The following MPZL2 variants were observed in gnomAD, a reference collection of about 807,000 sequenced individuals.
The protein encoded by MPZL2 is myelin protein zero-like protein 2.
A neutral mutation model predicts 24.5 loss-of-function variants in MPZL2; 32 were observed. The observed-to-expected ratio is 1.31, with a 90% CI of 0.99 to 1.76. The LOEUF is 1.76. Ranked by LOEUF, MPZL2 falls within the 40% of genes most tolerant of loss-of-function variation. The probability of loss-of-function intolerance (pLI) is 0.00; values close to 1 mark genes in which losing one functional copy is unlikely to be tolerated. For synonymous variants in MPZL2, 92 were observed against 97.9 expected, an observed-to-expected ratio of 0.94 and a Z score of 0.36; for missense variants, 304 against 274.9, an observed-to-expected ratio of 1.11 and a Z score of -0.75.
At chr11:118,260,717 CA>C (rs1274513842) in intron 3 of MPZL2, among the ~76,000 whole-genome samples, 1 of 152,004 alleles carries the variant, frequency 6.6e-6, no homozygotes, top group African/African-American at 2.4e-5. Flanking sequence ...AATGCTGAGC[CA>C]AAAAAGACAT....
chr11:118,255,071 A>G lies in MPZL2; in HGVS notation c.*175T>C, dbSNP rs1949652881. ...AATGAGGCTGTGTATGACTGGTGAT[A>G]TGGAGGAGCACTGTGCTGGCTCCAG... is the stretch of plus-strand genomic sequence containing the variant. On this transcript the variant is annotated 3_prime_UTR_variant, in exon 6 of 6. Coordinates refer to ENST00000278937, the MANE Select transcript of MPZL2 (RefSeq NM_005797.4). The G allele has an allele frequency of 6.6e-6, 1 of 152,202 alleles. No individual in the cohort carries two copies. Among genetic ancestry groups the G allele is most frequent in the Non-Finnish European group, 1.5e-5 (1 of 68,018 alleles). 9.4% of individuals were successfully genotyped at this position (152,202 alleles called of 1,614,324 possible).
At chr11:118,257,626 A>T (rs1046911347) in intron 4 of MPZL2, 1 of 196,420 alleles carries the variant, frequency 5.1e-6, no homozygotes, top group Non-Finnish European at 9.4e-6. Context: ...TTATTCAAAA[A>T]AAAAATAAAA....
chr11:118,263,058 C>T lies in MPZL2; in HGVS notation c.98G>A (p.Arg33Gln), dbSNP rs150203857. Residue 33 changes from arginine to glutamine, a missense_variant, in exon 2 of 6, where the codon CGG becomes CAG. Arg to Gln is a conservative substitution (Grantham distance 43). Transcript: ENST00000278937. ...PIAAVEIYTS[R>Q]VLEAVNGTDA... Reference sequence around the variant, plus strand: ...TGTCCCATTAACAGCCTCCAGCACCCGGGAGGTATAAATTTCCACAGCTGC... The same window carrying T: ...TGTCCCATTAACAGCCTCCAGCACCTGGGAGGTATAAATTTCCACAGCTGC... 79 of 1,614,032 alleles carry T rather than the reference C, an allele frequency of 4.9e-5. No individual in the cohort carries two copies. In the African/African-American group the frequency reaches 6.8e-4, roughly 14 times the overall value.
intron 2 of MPZL2, 50 bp from the exon 3 acceptor site, chr11:118,262,698 G>A (rs781383311): frequency 2.5e-5 from 40 of 1,575,088 alleles, no homozygotes; most frequent in Admixed American, 5.1e-5. Flanking sequence ...CCCAGGCAAG[G>A]AGGCCAAGAT....
intron 4 of MPZL2, among the ~76,000 whole-genome samples, chr11:118,259,011 TTA>T (rs1491539904): frequency 1.8e-3 from 222 of 124,110 alleles, no homozygotes; most frequent in African/African-American, 8.4e-3. Flanking sequence ...ACGGTTATGA[TTA>T]AAAAAAAAAA....
chr11:118,257,869 G>T (rs965457925), intron 4 of MPZL2, among the ~76,000 whole-genome samples: 4 of 148,552 alleles, frequency 2.7e-5, no homozygotes, highest in Non-Finnish European at 4.5e-5. Context: ...AATTAGCTGG[G>T]CATGGTGGTA....
In MPZL2 at chr11:118,264,188, G is replaced by A. The variant is rs761760630; in HGVS notation, c.-35C>T. ...CCAGCCTTGGCCCCAGAGACCGGACGGGGCAGACCGAGGGCTCCAACACCC... is the reference window on the plus strand; with the variant it reads ...CCAGCCTTGGCCCCAGAGACCGGACAGGGCAGACCGAGGGCTCCAACACCC... On this transcript the variant is annotated 5_prime_UTR_variant, in exon 1 of 6. Coordinates refer to ENST00000278937, the MANE Select transcript of MPZL2 (RefSeq NM_005797.4). The A allele has an allele frequency of 3.1e-6, 5 of 1,610,634 alleles. No individual in the cohort carries two copies. Among genetic ancestry groups the A allele is most frequent in the African/African-American group, 1.3e-5 (1 of 74,966 alleles).
Position 118,262,989 on chromosome 11 carries a change from C to A in MPZL2, c.167G>T (p.Gly56Val). The change falls in exon 2 of 6, where the codon GGT becomes GTT. Residue 56 changes from glycine (G) to valine (V), a missense_variant. Coordinates refer to ENST00000278937, the MANE Select transcript of MPZL2 (RefSeq NM_005797.4). The stretch of plus-strand genomic sequence containing the variant: ...ATTCCAGGTCACTGTTAGAGCATCA[C>A]CCACAGGGGCAAAGCTGGAGAAAGT... ...KCTFSSFAPV[G>V]DALTVTWNFR... 1 of 1,614,184 alleles carries A rather than the reference C, an allele frequency of 6.2e-7. No homozygotes were observed. Among genetic ancestry groups the A allele is most frequent in the Non-Finnish European group, 8.5e-7 (1 of 1,180,022 alleles).
At chr11:118,262,071 G>A (rs569557120) in intron 3 of MPZL2, among the ~76,000 whole-genome samples, 4 of 152,270 alleles carry the variant, frequency 2.6e-5, no homozygotes, top group Admixed American at 6.5e-5. Context: ...CACTTTTGAC[G>A]GTGCCTAGCA....
intron 4 of MPZL2, chr11:118,259,123 T>A (rs1949681658): frequency 6.6e-6 from 1 of 151,920 alleles, no homozygotes; most frequent in African/African-American, 2.4e-5. Flanking sequence ...GTCTGGCAAT[T>A]CCTCCAAAAA....
intron 5 of MPZL2, among the ~76,000 whole-genome samples, chr11:118,256,339 T>C (rs1237050789): frequency 6.6e-6 from 1 of 152,154 alleles, no homozygotes; most frequent in Non-Finnish European, 1.5e-5. Context: ...TTTCAGAGAA[T>C]GGGAGAAATT....
chr11:118,263,137 TGTA>T (rs772676556), intron 1 of MPZL2, 40 bp from the exon 2 acceptor site: 1 of 1,583,228 alleles, frequency 6.3e-7, no homozygotes, highest in Admixed American at 1.8e-5. Context: ...TAACAGGGGA[TGTA>T]GTATTGTGAG....
rs181660176 is a variant in MPZL2, at chr11:118,264,170, T to C, written c.-17A>G. Reference sequence around the variant, plus strand: ...GCCATACATGAGGGAAACCCAGCCTTGGCCCCAGAGACCGGACGGGGCAGA... The same window carrying C: ...GCCATACATGAGGGAAACCCAGCCTCGGCCCCAGAGACCGGACGGGGCAGA... On this transcript the variant is annotated 5_prime_UTR_variant, in exon 1 of 6. Coordinates refer to ENST00000278937, the MANE Select transcript of MPZL2 (RefSeq NM_005797.4). The C allele has an allele frequency of 3.6e-3, 5,885 of 1,613,946 alleles. 16 individuals are homozygous for C. The highest frequency in any genetic ancestry group is 4.6e-3 in the Non-Finnish European group (5,470 of 1,179,942).
At chr11:118,262,871 G>T in intron 2 of MPZL2, 60 bp downstream of exon 2, 1 of 1,558,630 alleles carries the variant, frequency 6.4e-7, no homozygotes. Context: ...AAGGAGAAAT[G>T]GACTGGCTTA....
intron 2 of MPZL2, 47 bp downstream of exon 2, chr11:118,262,884 A>T: frequency 6.3e-7 from 1 of 1,590,460 alleles, no homozygotes. Flanking sequence ...CTGGCTTATT[A>T]TTTCCCTAAA....
chr11:118,264,117 GA>G lies in MPZL2; in HGVS notation c.36del (p.Leu13SerfsTer12), dbSNP rs1474590939. ...TTACCTGTGAGCTGTATGCCAAGGA[GA>G]AGAAGCACCGCACGAGTAGAGCTCT... is the stretch of plus-strand genomic sequence containing the variant. ...YGKSSTRAVL[L>X]LLGIQLTALW... On this transcript the variant is annotated frameshift_variant, in exon 1 of 6. Coordinates refer to ENST00000278937, the MANE Select transcript of MPZL2 (RefSeq NM_005797.4). LOFTEE classifies it high-confidence loss of function. 1 of 1,613,988 alleles carries G rather than the reference GA, an allele frequency of 6.2e-7. No homozygotes were observed. The highest frequency in any genetic ancestry group is 8.5e-7 in the Non-Finnish European group (1 of 1,179,968).
At chr11:118,259,012 T>TAAAAAAAA (rs56186946) in intron 4 of MPZL2, among the ~76,000 whole-genome samples, 19 of 131,228 alleles carry the variant, frequency 1.4e-4, no homozygotes, top group South Asian at 6.5e-4. Flanking sequence ...CGGTTATGAT[T>TAAAAAAAA]AAAAAAAAAA....
rs1949649904 is a variant in MPZL2 at position 118,254,432 on chromosome 11, T to C, written c.*814A>G. ...GACTTTGCTCTGTTGTTATAGATCA[T>C]TGAATTGGGGGGGAAACATAGTAAG... On this transcript the variant is annotated 3_prime_UTR_variant, in exon 6 of 6. Transcript: ENST00000278937. 1 of 152,204 alleles carries C rather than the reference T, an allele frequency of 6.6e-6. No homozygotes were observed. The highest frequency in any genetic ancestry group is 1.5e-5 in the Non-Finnish European group (1 of 68,020). 9.4% of individuals were successfully genotyped at this position (152,204 alleles called of 1,614,324 possible).
At chr11:118,259,946 G>T in intron 4 of MPZL2, 108 bp downstream of exon 4, 1 of 1,288,874 alleles carries the variant, frequency 7.8e-7, no homozygotes, top group Non-Finnish European at 1.1e-6. Context: ...TTTTATATAG[G>T]ATTTACTTAA....
Sources: allele counts gnomAD v4.1 joint callset (sites outside exome capture counted in the v4.1 genomes callset), GRCh38; gene constraint gnomAD v4.1.1; transcripts MANE v1.5; gene names NCBI Gene and HGNC (gene_info 2026-07-23, HGNC 2026-07-21).